The following CACNA1D variants were observed in gnomAD, a reference collection of about 807,000 sequenced individuals.
CACNA1D encodes the protein voltage-dependent L-type calcium channel subunit alpha-1D.
In CACNA1D, 55 loss-of-function variants were observed where a neutral mutation model predicts 257.1. The observed-to-expected ratio is 0.21, with a 90% CI of 0.17 to 0.27. CACNA1D has a LOEUF of 0.27. CACNA1D is among the 10% of genes least tolerant of loss of function. The pLI is 1.00. For synonymous variants in CACNA1D, 980 were observed against 1,014.9 expected, an observed-to-expected ratio of 0.97 and a Z score of 0.65; for missense variants, 1,876 against 2,784.0, an observed-to-expected ratio of 0.67 and a Z score of 7.34.
intron 23 of CACNA1D, 88 bp downstream of exon 23, chr3:53,744,915 C>T: frequency 1.3e-6 from 1 of 787,058 alleles, no homozygotes; most frequent in South Asian, 1.4e-5. Context: ...GAGCTGAGGC[C>T]TGATGGATTT....
At chr3:53,738,284 A>G (rs1397525674) in intron 20 of CACNA1D, among the ~76,000 whole-genome samples, 5 of 152,178 alleles carry the variant, frequency 3.3e-5, no homozygotes, top group African/African-American at 9.7e-5. Context: ...AGCCCTACCT[A>G]TCAGATTTAT....
At chr3:53,592,122 T>C (rs778363187) in intron 3 of CACNA1D, among the ~76,000 whole-genome samples, 10 of 152,230 alleles carry the variant, frequency 6.6e-5, no homozygotes, top group Non-Finnish European at 4.4e-5. Flanking sequence ...GCAGGGCTCC[T>C]GTTCTGGTGG....
intron 3 of CACNA1D, among the ~76,000 whole-genome samples, chr3:53,625,503 G>A (rs931035064): frequency 2.0e-5 from 3 of 152,082 alleles, no homozygotes; most frequent in Admixed American, 2.0e-4. Context: ...GGACCCAAGC[G>A]GTGCTGTTCC....
intron 21 of CACNA1D, among the ~76,000 whole-genome samples, chr3:53,742,231 A>C (rs1423612200): frequency 6.6e-6 from 1 of 152,222 alleles, no homozygotes; most frequent in Non-Finnish European, 1.5e-5. Context: ...TACCTCTCTT[A>C]TACTGTACTT....
At chr3:53,599,410 AT>A (rs1052965620) in intron 3 of CACNA1D, among the ~76,000 whole-genome samples, 3 of 152,016 alleles carry the variant, frequency 2.0e-5, no homozygotes, top group South Asian at 2.1e-4. Context: ...CATATACAGG[AT>A]TTTTTTTATA....
chr3:53,733,950 G>GTGTGTA (rs1553652586), intron 19 of CACNA1D, among the ~76,000 whole-genome samples: 5 of 144,084 alleles, frequency 3.5e-5, no homozygotes, highest in Non-Finnish European at 6.0e-5. Context: ...GTGTGTGTGT[G>GTGTGTA]TGTATGTATG....
intron 19 of CACNA1D, among the ~76,000 whole-genome samples, chr3:53,733,656 A>G (rs989198112): frequency 1.3e-5 from 2 of 152,222 alleles, no homozygotes; most frequent in Admixed American, 6.5e-5. Context: ...GTTTTAAATC[A>G]TCTGGGACTG....
In CACNA1D at chr3:53,673,654, C is replaced by A. The variant is rs1037380879; in HGVS notation, c.1220+528C>A. The A allele has an allele frequency of 6.2e-6, 8 of 1,287,612 alleles. No individual in the cohort carries two copies. The African/African-American group carries it at 1.0e-4, about 16-fold the overall frequency. The allele number at this position is 1,287,612 out of a possible 1,614,324, so 79.8% of individuals were successfully genotyped here. A position where few individuals can be genotyped will look rare whatever the true frequency, so the allele number is the denominator to read the frequency against. ...GCACTGAGAGGTTTGGCAGCTGCAA[C>A]TGGGGCTCTGCTCTTTAGTAAATGG... On this transcript the variant is annotated intron_variant, in intron 8 of 47. Transcript: ENST00000350061. This position sits in a 1 kb window ranked among gnomAD's most constrained non-coding sequence, Gnocchi z 4.1.
At chr3:53,725,628 C>T (rs980978645) in intron 14 of CACNA1D, among the ~76,000 whole-genome samples, 2 of 152,186 alleles carry the variant, frequency 1.3e-5, no homozygotes, top group African/African-American at 4.8e-5. Flanking sequence ...GGATGCCCAT[C>T]AGTTAGGTGA....
At chr3:53,745,530 T>C in intron 23 of CACNA1D, 94 bp from the exon 24 acceptor site, 1 of 787,330 alleles carries the variant, frequency 1.3e-6, no homozygotes, top group Non-Finnish European at 2.3e-6. Context: ...TGTGAGCCAC[T>C]GTGCCTGGCC....
At position 53,494,631 on chromosome 3, in the gene CACNA1D, C is replaced by A. The variant is rs1291191632; in HGVS notation, c.-536C>A. 6.9e-6 allele frequency: 1 copy of A among 145,832 alleles called. No individual in the cohort carries two copies. The highest frequency in any genetic ancestry group is 1.5e-5 in the Non-Finnish European group (1 of 65,592). 9.0% of individuals were successfully genotyped at this position (145,832 alleles called of 1,614,324 possible). On this transcript the variant is annotated 5_prime_UTR_variant, in exon 1 of 48. Coordinates refer to ENST00000350061, the MANE Select transcript of CACNA1D (RefSeq NM_001128840.3). Reference sequence around the variant, plus strand: ...AGGGCGAAGCCGGCGTGCGGCGCGGCGCGGCGGGCGCGGAGCGAGCGGGCG... The same window carrying A: ...AGGGCGAAGCCGGCGTGCGGCGCGGAGCGGCGGGCGCGGAGCGAGCGGGCG...
At chr3:53,535,797 T>C (rs2092098738) in intron 3 of CACNA1D, among the ~76,000 whole-genome samples, 1 of 152,162 alleles carries the variant, frequency 6.6e-6, no homozygotes, top group Non-Finnish European at 1.5e-5. Flanking sequence ...AAAAACTGCA[T>C]TTTAGGTTTA....
chr3:53,695,829 C>T (rs1197331874), intron 8 of CACNA1D, among the ~76,000 whole-genome samples: 1 of 152,194 alleles, frequency 6.6e-6, no homozygotes, highest in African/African-American at 2.4e-5. Context: ...CGCATAACAC[C>T]TGTGAAAGCT....
At chr3:53,544,891 C>G (rs1353408668) in intron 3 of CACNA1D, among the ~76,000 whole-genome samples, 3 of 152,222 alleles carry the variant, frequency 2.0e-5, no homozygotes, top group African/African-American at 4.8e-5. Flanking sequence ...ACTGGAGCGT[C>G]TACCTCATAG....
chr3:53,629,334 G>A (rs1039850159), intron 3 of CACNA1D, among the ~76,000 whole-genome samples: 4 of 152,248 alleles, frequency 2.6e-5, no homozygotes, highest in Non-Finnish European at 5.9e-5. Flanking sequence ...AACCAGGACA[G>A]AAGCCTAGGC....
chr3:53,703,740 C>T (rs1238076519), intron 9 of CACNA1D, among the ~76,000 whole-genome samples: 3 of 152,176 alleles, frequency 2.0e-5, no homozygotes, highest in Non-Finnish European at 2.9e-5. Flanking sequence ...TTGAGCAGAG[C>T]GCCTTGGATG....
chr3:53,784,237 G>T (rs1471407565), intron 39 of CACNA1D, among the ~76,000 whole-genome samples: 1 of 152,134 alleles, frequency 6.6e-6, no homozygotes, highest in Non-Finnish European at 1.5e-5. Context: ...GTGCCATCTT[G>T]TGGGTCCTTT....
At chr3:53,708,982 A>G (rs2094721397) in intron 9 of CACNA1D, among the ~76,000 whole-genome samples, 1 of 152,208 alleles carries the variant, frequency 6.6e-6, no homozygotes. Flanking sequence ...AATTGCCATT[A>G]TAAAAACTGC....
intron 8 of CACNA1D, among the ~76,000 whole-genome samples, chr3:53,689,709 A>G (rs2094503066): frequency 6.6e-6 from 1 of 152,314 alleles, no homozygotes; most frequent in African/African-American, 2.4e-5. Context: ...CCCAGGCAGC[A>G]GTGCAATGGT....
Sources: gnomAD v4.1 joint callset for allele counts (sites outside exome capture counted in the v4.1 genomes callset) on GRCh38, gnomAD v4.1.1 for gene constraint, Gnocchi (gnomAD v3.1) non-coding constraint, MANE v1.5 for transcripts, NCBI Gene and HGNC (gene_info 2026-07-23, HGNC 2026-07-21) for gene names.